Variants in GPC5 observed in about 807,000 individuals in gnomAD.
The protein encoded by GPC5 is glypican-5.
Under a neutral mutation model 53.9 loss-of-function variants are expected in GPC5, and 47 were observed. The observed-to-expected ratio is 0.87, with a 90% CI of 0.69 to 1.11. GPC5 has a LOEUF of 1.11. Among genes scored for constraint, GPC5 ranks in the 50% most tolerant of loss-of-function variants. The pLI is 0.00. For synonymous variants in GPC5, 286 were observed against 263.3 expected (o/e 1.09, Z -0.84); for missense variants, 748 against 713.1 (o/e 1.05, Z -0.56).
At chr13:92,497,821 C>T (rs1880033248) in intron 7 of GPC5, among the ~76,000 whole-genome samples, 1 of 151,888 alleles carries the variant, frequency 6.6e-6, no homozygotes, top group African/African-American at 2.4e-5. Flanking sequence ...CCCTTGTTAG[C>T]TGTATGTTAG....
At chr13:92,523,742 T>G (rs1380395221) in intron 7 of GPC5, among the ~76,000 whole-genome samples, 2 of 152,074 alleles carry the variant, frequency 1.3e-5, no homozygotes, top group Admixed American at 1.3e-4. Context: ...GTATCAATAC[T>G]TACTCATTAT....
intron 7 of GPC5, among the ~76,000 whole-genome samples, chr13:92,193,465 C>T (rs1319181777): frequency 6.6e-6 from 1 of 151,918 alleles, no homozygotes; most frequent in Non-Finnish European, 1.5e-5. Context: ...AGGAGAATTC[C>T]CAGAGAGTTT....
At chr13:92,064,756 C>CAAAAAAAAAAAAAAAAACAAAA (rs1175120330) in intron 6 of GPC5, among the ~76,000 whole-genome samples, 1 of 33,644 alleles carries the variant, frequency 3.0e-5, no homozygotes, top group Non-Finnish European at 5.6e-5. Flanking sequence ...GACTCCGTCT[C>CAAAAAAAAAAAAAAAAACAAAA]AAAAAAAAAA....
chr13:92,427,478 TGAGA>T (rs34301965), intron 7 of GPC5, among the ~76,000 whole-genome samples: 98,666 of 150,520 alleles, frequency 0.66, 33,107 homozygotes, highest in African/African-American at 0.81. Flanking sequence ...GAGGGAATGG[TGAGA>T]GAGAGAGTGA....
intron 7 of GPC5, among the ~76,000 whole-genome samples, chr13:92,821,074 A>G (rs1254845738): frequency 6.6e-6 from 1 of 152,150 alleles, no homozygotes; most frequent in Non-Finnish European, 1.5e-5. Flanking sequence ...ACTAAGTTGT[A>G]TATTCCTGAC....
At chr13:92,198,431 G>T (rs1250006559) in intron 7 of GPC5, among the ~76,000 whole-genome samples, 1 of 152,068 alleles carries the variant, frequency 6.6e-6, no homozygotes, top group Non-Finnish European at 1.5e-5. Flanking sequence ...CTTTCTTAAT[G>T]AATGATGATT....
chr13:91,471,713 C>T (rs753717132), intron 2 of GPC5, among the ~76,000 whole-genome samples: 9 of 152,110 alleles, frequency 5.9e-5, no homozygotes, highest in African/African-American at 1.2e-4. Context: ...TATCCTGACT[C>T]GGAGATCATT....
intron 4 of GPC5, among the ~76,000 whole-genome samples, chr13:91,730,646 G>T (rs189337): frequency 0.62 from 93,534 of 152,046 alleles, 29,268 homozygotes; most frequent in South Asian, 0.74. Flanking sequence ...TAAGTAAACA[G>T]GCTTAACTGG....
rs59566274 is a variant in GPC5, at chr13:91,898,681, C to CAA, written c.1281-9247_1281-9246dup. On this transcript the variant is annotated intron_variant, in intron 5 of 7. Coordinates refer to ENST00000377067, the MANE Select transcript of GPC5 (RefSeq NM_004466.6). ...TTATGTTACTGTCACCAAAGACAGACAAAAAAAAAATCTATTAGGTTATAG... is the reference window on the plus strand; with the variant it reads ...TTATGTTACTGTCACCAAAGACAGACAAAAAAAAAAAATCTATTAGGTTATAG... Among the ~76,000 whole-genome samples, 437 of 149,364 alleles carry CAA rather than the reference C, an allele frequency of 2.9e-3. 2 individuals carry two copies. The highest frequency in any genetic ancestry group is 7.3e-3 in the African/African-American group (300 of 40,822).
At chr13:91,744,829 C>G (rs532023212) in intron 4 of GPC5, among the ~76,000 whole-genome samples, 1 of 152,154 alleles carries the variant, frequency 6.6e-6, no homozygotes, top group African/African-American at 2.4e-5. Context: ...TACTGAATCT[C>G]AAACAGGTAC....
At chr13:92,187,644 T>A (rs906743431) in intron 7 of GPC5, among the ~76,000 whole-genome samples, 1 of 152,220 alleles carries the variant, frequency 6.6e-6, no homozygotes, top group Admixed American at 6.5e-5. Flanking sequence ...TTCAACAATC[T>A]AGAAAGAAGC....
intron 7 of GPC5, among the ~76,000 whole-genome samples, chr13:92,387,600 T>C (rs1366526832): frequency 6.6e-6 from 1 of 152,190 alleles, no homozygotes; most frequent in East Asian, 1.9e-4. Context: ...ATCCCTATTA[T>C]TGTATACAGA....
Position 92,258,574 on chromosome 13 carries a change from A to T in GPC5, c.1561+113585A>T, listed in dbSNP as rs574137306. On this transcript the variant is annotated intron_variant, in intron 7 of 7. Coordinates refer to ENST00000377067, the MANE Select transcript of GPC5 (RefSeq NM_004466.6). Reference sequence around the variant, plus strand: ...AGTGCAAAGGTAAAACACTTTTTGGATTTATTTCTATAAGATAGCTCTAAA... The same window carrying T: ...AGTGCAAAGGTAAAACACTTTTTGGTTTTATTTCTATAAGATAGCTCTAAA... 5.3e-5 allele frequency among the ~76,000 whole-genome samples: 8 copies of T among 152,184 alleles called. No individual in the cohort carries two copies. The South Asian group carries it at 1.0e-3, about 20-fold the overall frequency.
intron 2 of GPC5, among the ~76,000 whole-genome samples, chr13:91,612,614 A>G (rs1191671746): frequency 6.6e-6 from 1 of 152,186 alleles, no homozygotes; most frequent in Non-Finnish European, 1.5e-5. Flanking sequence ...AAACAAACAA[A>G]CAAACAAAGC....
intron 7 of GPC5, among the ~76,000 whole-genome samples, chr13:92,752,081 C>T (rs185325579): frequency 6.7e-6 from 1 of 149,850 alleles, no homozygotes; most frequent in East Asian, 2.0e-4. Flanking sequence ...AAAAAAAAAG[C>T]AAGAACTCTA....
intron 7 of GPC5, among the ~76,000 whole-genome samples, chr13:92,635,785 T>C (rs1664540829): frequency 6.6e-6 from 1 of 152,258 alleles, no homozygotes; most frequent in Admixed American, 6.5e-5. Flanking sequence ...TTTACCAGGC[T>C]TAACGCCTTC....
chr13:92,194,980 A>G (rs1420536065), intron 7 of GPC5, among the ~76,000 whole-genome samples: 2 of 152,228 alleles, frequency 1.3e-5, no homozygotes, highest in Admixed American at 6.5e-5. Flanking sequence ...AAATCAGAGA[A>G]GCATTAGCAG....
rs144673334 is a variant in GPC5, at chr13:92,821,347, A to C, written c.1562-44935A>C. On this transcript the variant is annotated intron_variant, in intron 7 of 7. Coordinates refer to ENST00000377067, the MANE Select transcript of GPC5 (RefSeq NM_004466.6). ...ACAATTTGTGTAATTAGAATTATGC[A>C]TGCATTTCCTCTTAAGAACAGCCAA... 7.5e-3 allele frequency among the ~76,000 whole-genome samples: 1,136 copies of C among 152,278 alleles called. 6 individuals carry two copies. Among genetic ancestry groups the C allele is most frequent in the Non-Finnish European group, 0.012 (838 of 68,016 alleles).
chr13:91,535,514 A>G (rs1886548995), intron 2 of GPC5, among the ~76,000 whole-genome samples: 1 of 152,154 alleles, frequency 6.6e-6, no homozygotes, highest in African/African-American at 2.4e-5. Flanking sequence ...TTATATACAC[A>G]TTTGTTCATT....
Sources: allele counts gnomAD v4.1 joint callset (sites outside exome capture counted in the v4.1 genomes callset), GRCh38; gene constraint gnomAD v4.1.1; transcripts MANE v1.5; gene names NCBI Gene and HGNC (gene_info 2026-07-23, HGNC 2026-07-21).